The following MYO3B variants were observed in gnomAD, a reference collection of about 807,000 sequenced individuals.
The protein encoded by MYO3B is myosin IIIB, also known as myosin-IIIb.
MYO3B carries 156 observed loss-of-function variants against 174.6 expected under a neutral mutation model. The ratio of observed to expected loss-of-function variants is 0.89; its 90% CI spans 0.78 to 1.02. The LOEUF (loss-of-function observed/expected upper bound fraction) is 1.02. MYO3B is among the 50% of genes least tolerant of loss of function. The pLI, the probability that MYO3B is intolerant of heterozygous loss-of-function variation, is 0.00. For missense variants in MYO3B, 1,632 were observed against 1,639.4 expected (o/e 1.00, Z 0.08); for synonymous variants, 563 against 569.1 (o/e 0.99, Z 0.15).
At position 170,236,123 on chromosome 2, in the gene MYO3B, T is replaced by C. The variant is rs769426526; in HGVS notation, c.736T>C (p.Phe246Leu). ...TGACATGCATCCTGTGAAAACACTC[T>C]TTAAGATTCCAAGGTAAGACACAAG... ...LFDMHPVKTLFKIPRNPPPTL... is the reference protein window; with the variant it reads ...LFDMHPVKTLLKIPRNPPPTL... The change falls in exon 7 of 35, where the codon TTT becomes CTT. Residue 246 changes from phenylalanine to leucine, a missense_variant. By Grantham distance (22) the Phe-to-Leu change is conservative. Coordinates refer to ENST00000408978, the MANE Select transcript of MYO3B (RefSeq NM_138995.5). 1 of 1,614,196 alleles carries C rather than the reference T, an allele frequency of 6.2e-7. No individual in the cohort carries two copies. The highest frequency in any genetic ancestry group is 1.7e-5 in the Admixed American group (1 of 60,028).
intron 6 of MYO3B, among the ~76,000 whole-genome samples, chr2:170,222,743 G>A (rs1559312653): frequency 6.6e-6 from 1 of 152,156 alleles, no homozygotes; most frequent in Non-Finnish European, 1.5e-5. Flanking sequence ...GATTCTGGGG[G>A]CTAGGACTTA....
At chr2:170,491,466 G>A (rs947332315) in intron 25 of MYO3B, among the ~76,000 whole-genome samples, 3 of 139,452 alleles carry the variant, frequency 2.2e-5, no homozygotes, top group Non-Finnish European at 3.1e-5. Flanking sequence ...AGTCTCTGTC[G>A]ACAGGCTGGA....
intron 7 of MYO3B, among the ~76,000 whole-genome samples, chr2:170,248,752 C>A (rs931818838): frequency 2.0e-5 from 3 of 152,184 alleles, no homozygotes; most frequent in South Asian, 4.1e-4. Flanking sequence ...CTGGACCCAC[C>A]AAGGTAATCC....
At chr2:170,256,634 G>C (rs1047594003) in intron 7 of MYO3B, among the ~76,000 whole-genome samples, 1 of 152,090 alleles carries the variant, frequency 6.6e-6, no homozygotes, top group African/African-American at 2.4e-5. Context: ...ATACTGTTAA[G>C]GACATAGCCC....
chr2:170,454,699 G>A (rs1169995608), intron 23 of MYO3B, among the ~76,000 whole-genome samples: 5 of 152,168 alleles, frequency 3.3e-5, no homozygotes, highest in Non-Finnish European at 5.9e-5. Context: ...CACCTAACGG[G>A]CTCACCTTGC....
chr2:170,191,769 T>C (rs1437624619), intron 1 of MYO3B, among the ~76,000 whole-genome samples: 3 of 152,214 alleles, frequency 2.0e-5, no homozygotes, highest in African/African-American at 7.2e-5. Context: ...TCTCTTTCAG[T>C]AATATGAAGT....
At chr2:170,566,408 A>T (rs1692080329) in intron 32 of MYO3B, among the ~76,000 whole-genome samples, 1 of 152,184 alleles carries the variant, frequency 6.6e-6, no homozygotes, top group South Asian at 2.1e-4. Flanking sequence ...TGTTTTTACC[A>T]TGTGAACCAT....
chr2:170,563,907 G>A (rs926873354), intron 32 of MYO3B, among the ~76,000 whole-genome samples: 30 of 152,314 alleles, frequency 2.0e-4, no homozygotes, highest in African/African-American at 7.0e-4. Context: ...GGGAAGCATA[G>A]TTCAGTTGAT....
intron 9 of MYO3B, among the ~76,000 whole-genome samples, chr2:170,378,581 C>T (rs963944114): frequency 2.6e-5 from 4 of 152,188 alleles, no homozygotes; most frequent in African/African-American, 7.2e-5. Flanking sequence ...TTGCAGACAA[C>T]ATCTGCATGA....
intron 22 of MYO3B, among the ~76,000 whole-genome samples, chr2:170,432,397 A>T (rs2094716577): frequency 6.6e-6 from 1 of 152,028 alleles, no homozygotes; most frequent in African/African-American, 2.4e-5. Context: ...AAACAAAAAA[A>T]TCTTAAAAAT....
chr2:170,505,099 GA>G (rs922627581), intron 28 of MYO3B, among the ~76,000 whole-genome samples: 6 of 151,602 alleles, frequency 4.0e-5, no homozygotes, highest in Non-Finnish European at 7.4e-5. Context: ...AAAACAAACG[GA>G]AAAAAAATAC....
chr2:170,622,122 T>A (rs920153574), intron 32 of MYO3B, among the ~76,000 whole-genome samples: 2 of 152,204 alleles, frequency 1.3e-5, no homozygotes, highest in South Asian at 2.1e-4. Context: ...TTTACTTATA[T>A]AGTTCTAAAA....
chr2:170,207,410 G>C (rs971903822), intron 3 of MYO3B, among the ~76,000 whole-genome samples: 3 of 152,116 alleles, frequency 2.0e-5, no homozygotes, highest in African/African-American at 7.2e-5. Flanking sequence ...TGGGGGCAGG[G>C]GGTGGGGATA....
intron 27 of MYO3B, 150 bp from the exon 28 acceptor site, chr2:170,501,635 T>C (rs1164516634): frequency 6.9e-6 from 4 of 576,954 alleles, no homozygotes; most frequent in Non-Finnish European, 1.2e-5. Flanking sequence ...CTTCTCGCCA[T>C]AGATCACATA....
intron 8 of MYO3B, among the ~76,000 whole-genome samples, chr2:170,366,551 C>T (rs1156287835): frequency 6.6e-6 from 1 of 152,110 alleles, no homozygotes; most frequent in Non-Finnish European, 1.5e-5. Flanking sequence ...ATCTGGGCTC[C>T]CAAAGTGTTG....
chr2:170,235,618 T>G (rs2093061394), intron 6 of MYO3B, among the ~76,000 whole-genome samples: 1 of 152,180 alleles, frequency 6.6e-6, no homozygotes, highest in Non-Finnish European at 1.5e-5. Context: ...TGAGAACAAT[T>G]GTTGCTTGTT....
chr2:170,199,412 A>G, intron 2 of MYO3B, 21 bp downstream of exon 2: 1 of 1,553,668 alleles, frequency 6.4e-7, no homozygotes, highest in East Asian at 2.3e-5. Context: ...GTTGTAAATT[A>G]TAACCAGAAT....
chr2:170,332,485 T>C (rs2093918624), intron 7 of MYO3B, among the ~76,000 whole-genome samples: 1 of 152,170 alleles, frequency 6.6e-6, no homozygotes, highest in African/African-American at 2.4e-5. Context: ...CTTTCTGGGT[T>C]GTGAGAGAAT....
chr2:170,598,336 C>T (rs112361835), intron 32 of MYO3B, among the ~76,000 whole-genome samples: 14 of 152,232 alleles, frequency 9.2e-5, no homozygotes, highest in Non-Finnish European at 1.5e-4. Flanking sequence ...AAGGGCCTCA[C>T]GAACGAATTC....
Sources: allele counts gnomAD v4.1 joint callset (sites outside exome capture counted in the v4.1 genomes callset), GRCh38; gene constraint gnomAD v4.1.1; transcripts MANE v1.5; gene names NCBI Gene and HGNC (gene_info 2026-07-23, HGNC 2026-07-21).